CSMD1: variants seen among roughly 807,000 people sequenced by gnomAD.
The protein encoded by CSMD1 is CUB and Sushi multiple domains 1, also known as CUB and sushi domain-containing protein 1.
CSMD1 carries 213 observed loss-of-function variants against 417.5 expected under a neutral mutation model. The observed-to-expected ratio is 0.51, with a 90% CI of 0.46 to 0.57. CSMD1 has a LOEUF of 0.57. CSMD1 is among the 20% of genes least tolerant of loss of function. The pLI is 0.00. For synonymous variants in CSMD1, 2,862 were observed against 1,736.8 expected, an observed-to-expected ratio of 1.65 and a Z score of -16.11; for missense variants, 6,923 against 4,529.7, an observed-to-expected ratio of 1.53 and a Z score of -15.17.
intron 6 of CSMD1, among the ~76,000 whole-genome samples, chr8:3,733,474 T>G (rs1410697623): frequency 6.6e-6 from 1 of 151,840 alleles, no homozygotes; most frequent in East Asian, 1.9e-4. Flanking sequence ...ATGTTTTGCT[T>G]TCAACGGTTT....
At chr8:4,450,260 T>C (rs1463024623) in intron 2 of CSMD1, among the ~76,000 whole-genome samples, 1 of 152,198 alleles carries the variant, frequency 6.6e-6, no homozygotes, top group Non-Finnish European at 1.5e-5. Flanking sequence ...TGTCTGATCT[T>C]CAGGAGCACA....
chr8:4,350,836 G>A (rs1302001897), intron 3 of CSMD1, among the ~76,000 whole-genome samples: 3 of 152,154 alleles, frequency 2.0e-5, no homozygotes, highest in African/African-American at 7.2e-5. Context: ...TTCCTTAGCT[G>A]TGGAGACACT....
intron 3 of CSMD1, among the ~76,000 whole-genome samples, chr8:4,183,751 A>G (rs962188080): frequency 1.6e-4 from 24 of 152,242 alleles, no homozygotes; most frequent in African/African-American, 5.1e-4. Context: ...TAGTGAAGCA[A>G]TATGAGTATT....
intron 7 of CSMD1, among the ~76,000 whole-genome samples, chr8:3,630,373 C>T (rs1796717995): frequency 6.6e-6 from 1 of 152,112 alleles, no homozygotes; most frequent in Non-Finnish European, 1.5e-5. Context: ...GCCAAGCCCT[C>T]AGGAAGGAAC....
intron 3 of CSMD1, among the ~76,000 whole-genome samples, chr8:4,051,357 T>C (rs1798415589): frequency 6.6e-6 from 1 of 151,546 alleles, no homozygotes; most frequent in Non-Finnish European, 1.5e-5. Context: ...CGGCAGCTTC[T>C]TTCACTGTTG....
At chr8:4,779,962 G>C (rs1563364376) in intron 1 of CSMD1, among the ~76,000 whole-genome samples, 1 of 150,688 alleles carries the variant, frequency 6.6e-6, no homozygotes, top group Non-Finnish European at 1.5e-5. Context: ...CCAAATGATT[G>C]TTAAATAAAT....
chr8:4,088,278 A>G (rs1307960201), intron 3 of CSMD1, among the ~76,000 whole-genome samples: 2 of 152,158 alleles, frequency 1.3e-5, no homozygotes, highest in African/African-American at 2.4e-5. Flanking sequence ...CCACTTCTCA[A>G]TTGCATGGCC....
chr8:4,598,700 T>A (rs11777963), intron 2 of CSMD1, among the ~76,000 whole-genome samples: 1 of 151,998 alleles, frequency 6.6e-6, no homozygotes, highest in Non-Finnish European at 1.5e-5. Context: ...ACAATAAGCA[T>A]TAATTAGTGC....
At chr8:4,904,151 G>C (rs1805081981) in intron 1 of CSMD1, among the ~76,000 whole-genome samples, 1 of 152,006 alleles carries the variant, frequency 6.6e-6, no homozygotes, top group Admixed American at 6.6e-5. Flanking sequence ...AGGAAGTCAG[G>C]GCAGGTGTTC....
chr8:3,071,843 C>A (rs994139827), intron 49 of CSMD1, among the ~76,000 whole-genome samples: 1 of 152,138 alleles, frequency 6.6e-6, no homozygotes, highest in Non-Finnish European at 1.5e-5. Context: ...CCAAACCTGT[C>A]CAGTTATGAA....
In CSMD1 at chr8:3,321,854, G is replaced by T. The variant is rs548327216; in HGVS notation, c.3632-13351C>A. 1.2e-3 allele frequency among the ~76,000 whole-genome samples: 179 copies of T among 152,234 alleles called. 1 individual carries two copies. Among genetic ancestry groups the T allele is most frequent in the African/African-American group, 4.2e-3 (174 of 41,550 alleles). ...TTCAAATTTTAACACTTTCTGATTT[G>T]TACAAAATTTGGGAGGATTTAAAAA... On this transcript the variant is annotated intron_variant, in intron 23 of 69. Transcript: ENST00000635120.
chr8:4,004,486 A>C (rs1338339220), intron 4 of CSMD1, among the ~76,000 whole-genome samples: 1 of 151,416 alleles, frequency 6.6e-6, no homozygotes, highest in Non-Finnish European at 1.5e-5. Context: ...TATCTATTAT[A>C]TATCTGGATT....
intron 3 of CSMD1, among the ~76,000 whole-genome samples, chr8:4,316,841 T>C (rs185138633): frequency 1.3e-5 from 2 of 152,292 alleles, no homozygotes; most frequent in African/African-American, 2.4e-5. Context: ...AAATAATTGG[T>C]AGCTGCTTCT....
rs546982970 is a variant in CSMD1, at chr8:3,570,891, G to C, written c.1344+4054C>G. 5.3e-5 allele frequency among the ~76,000 whole-genome samples: 8 copies of C among 152,252 alleles called. No individual in the cohort carries two copies. In the South Asian group the frequency reaches 1.7e-3, roughly 32 times the overall value. On this transcript the variant is annotated intron_variant, in intron 10 of 69. Coordinates refer to ENST00000635120, the MANE Select transcript of CSMD1 (RefSeq NM_033225.6). ...AAGGTTTAAACAATAGGAACTCTAA[G>C]CTTCTTTTTAGATAGAATTTCAATT...
chr8:3,899,636 T>G (rs1002357546), intron 5 of CSMD1, among the ~76,000 whole-genome samples: 2 of 152,186 alleles, frequency 1.3e-5, no homozygotes, highest in South Asian at 2.1e-4. Flanking sequence ...GGAAAAGGTT[T>G]TGGAGGCTGA....
chr8:4,934,588 C>T (rs534153396), intron 1 of CSMD1, among the ~76,000 whole-genome samples: 2 of 152,034 alleles, frequency 1.3e-5, no homozygotes, highest in Non-Finnish European at 2.9e-5. Context: ...AGGACACAGG[C>T]CCAATATAAT....
chr8:3,121,706 G>C (rs983218222), intron 41 of CSMD1, among the ~76,000 whole-genome samples: 1 of 152,156 alleles, frequency 6.6e-6, no homozygotes, highest in African/African-American at 2.4e-5. Flanking sequence ...GGCTGGGGCA[G>C]GAGGACTGCT....
chr8:4,311,099 C>G (rs547202885), intron 3 of CSMD1, among the ~76,000 whole-genome samples: 3 of 152,146 alleles, frequency 2.0e-5, no homozygotes, highest in Non-Finnish European at 2.9e-5. Flanking sequence ...GGCATATCTT[C>G]AAAGAGCTAG....
chr8:3,910,855 C>G (rs764527824), intron 5 of CSMD1, among the ~76,000 whole-genome samples: 1 of 152,130 alleles, frequency 6.6e-6, no homozygotes, highest in African/African-American at 2.4e-5. Flanking sequence ...TTCTGCCTTC[C>G]TTGGATGCAA....
Sources: allele counts gnomAD v4.1 joint callset (sites outside exome capture counted in the v4.1 genomes callset), GRCh38; gene constraint gnomAD v4.1.1; transcripts MANE v1.5; gene names NCBI Gene and HGNC (gene_info 2026-07-23, HGNC 2026-07-21).